Variants in SND1 observed in about 807,000 individuals in gnomAD.
SND1 encodes the protein staphylococcal nuclease and tudor domain containing 1, also known as staphylococcal nuclease domain-containing protein 1.
Under a neutral mutation model 121.7 loss-of-function variants are expected in SND1, and 38 were observed. The ratio of observed to expected loss-of-function variants is 0.31; its 90% CI spans 0.24 to 0.41. The LOEUF (loss-of-function observed/expected upper bound fraction) is 0.41, where lower values mean the gene tolerates loss of function less well. Ranked by LOEUF, SND1 falls within the 10% of genes least tolerant of loss-of-function variation. The probability of loss-of-function intolerance (pLI) is 1.00; values close to 1 mark genes in which losing one functional copy is unlikely to be tolerated. For missense variants in SND1, 868 were observed against 1,184.6 expected (o/e 0.73, Z 3.92); for synonymous variants, 401 against 447.4 (o/e 0.90, Z 1.31).
chr7:127,782,771 C>T (rs1797745483), intron 10 of SND1, among the ~76,000 whole-genome samples: 1 of 152,174 alleles, frequency 6.6e-6, no homozygotes, highest in African/African-American at 2.4e-5. Flanking sequence ...TCATGAGTAG[C>T]TGTAGTGGGG....
At chr7:128,038,292 T>C (rs1380265591) in intron 16 of SND1, among the ~76,000 whole-genome samples, 1 of 152,234 alleles carries the variant, frequency 6.6e-6, no homozygotes, top group Non-Finnish European at 1.5e-5. Flanking sequence ...GTGGGCATTA[T>C]GGTGTACTGG....
chr7:127,866,996 G>A (rs917903704), intron 12 of SND1, among the ~76,000 whole-genome samples: 11 of 152,152 alleles, frequency 7.2e-5, no homozygotes, highest in African/African-American at 1.7e-4. Flanking sequence ...TTGGGATTTT[G>A]TGCTATTGGC....
chr7:127,889,452 T>C (rs1799970000), intron 13 of SND1, among the ~76,000 whole-genome samples: 1 of 152,092 alleles, frequency 6.6e-6, no homozygotes, highest in South Asian at 2.1e-4. Context: ...ATGCAATGCG[T>C]AATAATCACA....
intron 15 of SND1, among the ~76,000 whole-genome samples, chr7:127,948,771 C>A (rs1340363243): frequency 1.3e-5 from 2 of 152,208 alleles, no homozygotes; most frequent in African/African-American, 2.4e-5. Flanking sequence ...TCAAATGTCT[C>A]CCAGATATTT....
At chr7:128,014,053 G>C (rs1329626791) in intron 16 of SND1, among the ~76,000 whole-genome samples, 10 of 152,292 alleles carry the variant, frequency 6.6e-5, no homozygotes, top group Middle Eastern at 3.4e-3. Context: ...AGAGTGACCT[G>C]CTTGTAGGAG....
chr7:127,895,810 G>A (rs1226770792), intron 13 of SND1, among the ~76,000 whole-genome samples: 1 of 152,044 alleles, frequency 6.6e-6, no homozygotes, highest in Admixed American at 6.6e-5. Flanking sequence ...GCTGTATGAT[G>A]TCTCCATTTC....
At chr7:127,779,536 T>C (rs1489157127) in intron 10 of SND1, among the ~76,000 whole-genome samples, 1 of 152,252 alleles carries the variant, frequency 6.6e-6, no homozygotes, top group African/African-American at 2.4e-5. Context: ...TTTCTTATAA[T>C]GGCCTTTATA....
chr7:128,028,924 C>T (rs766893575), intron 16 of SND1: 2 of 1,611,262 alleles, frequency 1.2e-6, no homozygotes, highest in East Asian at 2.2e-5. Flanking sequence ...GGGATGTCTT[C>T]GTCCACCTGG....
At chr7:127,725,310 G>A (rs1796563325) in intron 10 of SND1, among the ~76,000 whole-genome samples, 1 of 152,178 alleles carries the variant, frequency 6.6e-6, no homozygotes, top group Non-Finnish European at 1.5e-5. Flanking sequence ...AGCTCATATG[G>A]CATCTTTGTG....
intron 17 of SND1, among the ~76,000 whole-genome samples, chr7:128,078,225 C>T (rs912760337): frequency 6.6e-6 from 1 of 152,242 alleles, no homozygotes; most frequent in African/African-American, 2.4e-5. Flanking sequence ...GGCCAGCCTG[C>T]ATGGACCAGC....
chr7:128,042,171 C>G (rs567575477), intron 16 of SND1: 19 of 152,180 alleles, frequency 1.2e-4, no homozygotes, highest in Non-Finnish European at 2.6e-4. Context: ...GAAAAAAAAC[C>G]CTGCCAGCCA....
intron 18 of SND1, among the ~76,000 whole-genome samples, chr7:128,083,813 T>C (rs967316618): frequency 6.6e-5 from 10 of 152,144 alleles, no homozygotes; most frequent in Admixed American, 6.5e-4. Flanking sequence ...AAAAAAGGTC[T>C]GAGACTGAGC....
At chr7:127,672,526 T>C (rs1795538207) in intron 1 of SND1, among the ~76,000 whole-genome samples, 1 of 151,890 alleles carries the variant, frequency 6.6e-6, no homozygotes, top group African/African-American at 2.4e-5. Context: ...GACCGGAGAA[T>C]TGCTTGAACC....
At chr7:127,886,212 A>G (rs182147997) in intron 12 of SND1, among the ~76,000 whole-genome samples, 125 of 152,238 alleles carry the variant, frequency 8.2e-4, no homozygotes, top group Non-Finnish European at 6.6e-4. Context: ...TGCTGGCAGT[A>G]GATAAACAGA....
chr7:127,869,743 A>G (rs1799544236), intron 12 of SND1, among the ~76,000 whole-genome samples: 1 of 152,140 alleles, frequency 6.6e-6, no homozygotes, highest in Non-Finnish European at 1.5e-5. Context: ...CTGTCGATTC[A>G]CATACATCAC....
intron 15 of SND1, among the ~76,000 whole-genome samples, chr7:127,985,818 G>A (rs545912075): frequency 5.9e-5 from 9 of 152,294 alleles, no homozygotes; most frequent in East Asian, 5.8e-4. Context: ...AGTGTACCCC[G>A]TGGACAGAAG....
intron 10 of SND1, among the ~76,000 whole-genome samples, chr7:127,791,383 G>T (rs569259051): frequency 8.5e-5 from 13 of 152,204 alleles, no homozygotes; most frequent in Non-Finnish European, 1.5e-5. Context: ...TAACTCTTGG[G>T]CTCAAGTGAT....
rs891657874 is a variant in SND1, at chr7:128,069,968, T to C, written c.1780-4534T>C. On this transcript the variant is annotated intron_variant, in intron 16 of 23. Transcript: ENST00000354725. ...GGAAGCCTTCCCGGAGAAAGTGGCA[T>C]TGAAGCGGGCAAAGGTGCAGTCCAG... is the stretch of plus-strand genomic sequence containing the variant. Among the ~76,000 whole-genome samples the C allele has an allele frequency of 2.0e-5, 3 of 152,194 alleles. 1 individual carries two copies. Among genetic ancestry groups the C allele is most frequent in the Admixed American group, 1.3e-4 (2 of 15,284 alleles).
At chr7:128,043,859 C>CAT (rs543224820) in intron 16 of SND1, among the ~76,000 whole-genome samples, 831 of 50,368 alleles carry the variant, frequency 0.016, 5 homozygotes, top group African/African-American at 0.088. Flanking sequence ...TATATATACA[C>CAT]ATATACACAC....
Sources: gnomAD v4.1 joint callset for allele counts (sites outside exome capture counted in the v4.1 genomes callset) on GRCh38, gnomAD v4.1.1 for gene constraint, MANE v1.5 for transcripts, NCBI Gene and HGNC (gene_info 2026-07-23, HGNC 2026-07-21) for gene names.